CEP128: variants seen among roughly 807,000 people sequenced by gnomAD.
The protein encoded by CEP128 is centrosomal protein 128, also known as centrosomal protein 128kDa.
CEP128 carries 132 observed loss-of-function variants against 156.7 expected under a neutral mutation model. The ratio of observed to expected loss-of-function variants is 0.84; its 90% CI spans 0.73 to 0.97. The LOEUF (loss-of-function observed/expected upper bound fraction) is 0.97, where lower values mean the gene tolerates loss of function less well. Among genes scored for constraint, CEP128 ranks in the 50% least tolerant of loss-of-function variants. The pLI, the probability that CEP128 is intolerant of heterozygous loss-of-function variation, is 0.00. For missense variants in CEP128, 1,252 were observed against 1,281.9 expected (o/e 0.98, Z 0.36); for synonymous variants, 469 against 448.9 (o/e 1.04, Z -0.57).
downstream of CEP128, among the ~76,000 whole-genome samples, chr14:80,492,923 C>A (rs1272152905): frequency 1.3e-5 from 2 of 152,010 alleles, no homozygotes; most frequent in African/African-American, 4.8e-5. Context: ...TAGATTGTAA[C>A]ATCTGAATTG....
intron 2 of CEP128, among the ~76,000 whole-genome samples, chr14:80,917,725 T>G (rs1252747602): frequency 6.6e-6 from 1 of 152,150 alleles, no homozygotes; most frequent in Non-Finnish European, 1.5e-5. Flanking sequence ...TCTGAATGCA[T>G]CTGGAAGTAC....
intron 20 of CEP128, among the ~76,000 whole-genome samples, chr14:80,561,136 C>T (rs1890654487): frequency 6.6e-6 from 1 of 152,166 alleles, no homozygotes; most frequent in African/African-American, 2.4e-5. Flanking sequence ...TTCCAGCAGT[C>T]AGACTGGGAA....
intron 19 of CEP128, among the ~76,000 whole-genome samples, chr14:80,599,986 G>A (rs1168905382): frequency 6.6e-6 from 1 of 152,166 alleles, no homozygotes; most frequent in African/African-American, 2.4e-5. Flanking sequence ...GAAATATAGA[G>A]GTAGGAGCTA....
At chr14:80,729,780 G>A (rs1215869667) in intron 19 of CEP128, among the ~76,000 whole-genome samples, 1 of 152,098 alleles carries the variant, frequency 6.6e-6, no homozygotes, top group African/African-American at 2.4e-5. Flanking sequence ...CTTGAAGATA[G>A]GTATTTAATT....
At chr14:80,754,459 CTT>C (rs758603562) in intron 18 of CEP128, among the ~76,000 whole-genome samples, 8,504 of 104,366 alleles carry the variant, frequency 0.081, 702 homozygotes, top group African/African-American at 0.29. Flanking sequence ...ATGTCCTGTT[CTT>C]TTTTTTTTTT....
chr14:80,779,395 G>A (rs531831866), intron 15 of CEP128, among the ~76,000 whole-genome samples: 1 of 152,076 alleles, frequency 6.6e-6, no homozygotes, highest in Non-Finnish European at 1.5e-5. Context: ...TTTTTTATGA[G>A]CAATCCTATA....
At chr14:80,848,160 G>A in intron 9 of CEP128, among the ~76,000 whole-genome samples, 1 of 152,204 alleles carries the variant, frequency 6.6e-6, no homozygotes, top group East Asian at 1.9e-4. Context: ...GAGTGAAGGA[G>A]TGTTTTATCT....
chr14:80,639,151 C>A (rs550158792), intron 19 of CEP128, among the ~76,000 whole-genome samples: 1 of 152,180 alleles, frequency 6.6e-6, no homozygotes, highest in East Asian at 1.9e-4. Flanking sequence ...ATTCTTTATT[C>A]TATTTCCACA....
chr14:80,590,839 T>A (rs1182761520), intron 19 of CEP128, among the ~76,000 whole-genome samples: 2 of 152,116 alleles, frequency 1.3e-5, no homozygotes, highest in Non-Finnish European at 2.9e-5. Context: ...CAGAAGAAAG[T>A]GGGGGCCAAT....
chr14:80,780,489 A>G (rs147637015), intron 15 of CEP128, among the ~76,000 whole-genome samples: 1 of 152,130 alleles, frequency 6.6e-6, no homozygotes, highest in African/African-American at 2.4e-5. Flanking sequence ...TCAATACCAC[A>G]TTAGGGAATA....
chr14:80,909,883 C>A (rs1308771083), intron 4 of CEP128, among the ~76,000 whole-genome samples: 1 of 152,054 alleles, frequency 6.6e-6, no homozygotes, highest in Admixed American at 6.6e-5. Flanking sequence ...CTAGGTGTAA[C>A]GCCAAACCAA....
chr14:80,511,563 TA>T (rs2140217512), intron 23 of CEP128, among the ~76,000 whole-genome samples: 2 of 152,122 alleles, frequency 1.3e-5, no homozygotes, highest in East Asian at 3.9e-4. Flanking sequence ...GTTTAGTTGA[TA>T]TTTTGTATTT....
chr14:80,897,889 C>T (rs1209505157), intron 7 of CEP128, among the ~76,000 whole-genome samples: 1 of 152,164 alleles, frequency 6.6e-6, no homozygotes, highest in African/African-American at 2.4e-5. Flanking sequence ...GCAATCCTCC[C>T]ACCTTAGCCT....
At chr14:80,765,446 T>C (rs1458944441) in intron 16 of CEP128, among the ~76,000 whole-genome samples, 1 of 152,192 alleles carries the variant, frequency 6.6e-6, no homozygotes, top group African/African-American at 2.4e-5. Flanking sequence ...GGCTATTCCC[T>C]GGTCTTTCAG....
At position 80,950,728 on chromosome 14, in the gene CEP128, T is replaced by C. The variant is rs988758235; in HGVS notation, c.-172+7450A>G. Among the ~76,000 whole-genome samples the C allele has an allele frequency of 4.6e-5, 7 of 152,042 alleles. No individual in the cohort carries two copies. The East Asian group carries it at 9.6e-4, about 21-fold the overall frequency. On this transcript the variant is annotated intron_variant, in intron 2 of 7. Transcript: ENST00000555529. The stretch of plus-strand genomic sequence containing the variant: ...AAGTGATAAGGGGGAAAATCATAGA[T>C]GCAGAAATGGAGAAACAATGGCTAA...
intron 19 of CEP128, among the ~76,000 whole-genome samples, chr14:80,740,875 T>C (rs1898798202): frequency 6.6e-6 from 1 of 152,176 alleles, no homozygotes; most frequent in Admixed American, 6.5e-5. Flanking sequence ...GAATGACTAT[T>C]TTCTATGCAT....
At chr14:80,912,532 T>C (rs1884301482) in intron 4 of CEP128, among the ~76,000 whole-genome samples, 1 of 152,156 alleles carries the variant, frequency 6.6e-6, no homozygotes. Context: ...TCAATTCCCA[T>C]TATTAATAAG....
At chr14:80,696,320 T>C (rs1348974462) in intron 19 of CEP128, among the ~76,000 whole-genome samples, 2 of 152,150 alleles carry the variant, frequency 1.3e-5, no homozygotes, top group Admixed American at 1.3e-4. Context: ...CAAGCAAACA[T>C]ATTTGAGAGA....
chr14:80,551,917 A>G (rs987928765), intron 21 of CEP128, among the ~76,000 whole-genome samples: 4 of 152,196 alleles, frequency 2.6e-5, no homozygotes, highest in Non-Finnish European at 1.5e-5. Context: ...AAAGAAGGCC[A>G]GCAGGCACAA....
Sources: allele counts gnomAD v4.1 joint callset (sites outside exome capture counted in the v4.1 genomes callset), GRCh38; gene constraint gnomAD v4.1.1; transcripts MANE v1.5; gene names NCBI Gene and HGNC (gene_info 2026-07-23, HGNC 2026-07-21).